The following MYO3B variants were observed in gnomAD, a reference collection of about 807,000 sequenced individuals.
MYO3B encodes the protein myosin IIIB.
In MYO3B, 156 loss-of-function variants were observed where a neutral mutation model predicts 174.6. The ratio of observed to expected loss-of-function variants is 0.89; its 90% confidence interval spans 0.78 to 1.02. The LOEUF (loss-of-function observed/expected upper bound fraction) is 1.02, where lower values mean the gene tolerates loss of function less well. Ranked by LOEUF, MYO3B falls within the 50% of genes least tolerant of loss-of-function variation. MYO3B has a pLI of 0.00. For synonymous variants in MYO3B, 563 were observed against 569.1 expected (o/e 0.99, Z 0.15); for missense variants, 1,632 against 1,639.4 (o/e 1.00, Z 0.08).
chr2:170,337,705 C>CTT (rs1558902751), intron 8 of MYO3B: 1 of 152,128 alleles, frequency 6.6e-6, no homozygotes, highest in African/African-American at 2.4e-5. Flanking sequence ...TTACTGTTGA[C>CTT]TGGAAGCCTT....
At chr2:170,335,549 T>TA (rs2093941712) in intron 8 of MYO3B, 99 bp downstream of exon 8, 1 of 891,290 alleles carries the variant, frequency 1.1e-6, no homozygotes, top group Non-Finnish European at 1.8e-6. Flanking sequence ...TAGAGGTTGT[T>TA]ATGCCTGTTA....
intron 32 of MYO3B, among the ~76,000 whole-genome samples, chr2:170,573,759 A>G (rs1692610515): frequency 6.6e-6 from 1 of 152,210 alleles, no homozygotes; most frequent in Non-Finnish European, 1.5e-5. Context: ...AGACTTGTTA[A>G]AAGACTAGAT....
At chr2:170,565,677 T>A (rs1692024878) in intron 32 of MYO3B, among the ~76,000 whole-genome samples, 1 of 152,200 alleles carries the variant, frequency 6.6e-6, no homozygotes, top group Non-Finnish European at 1.5e-5. Flanking sequence ...GACATTTCTG[T>A]TTGTCTTTTT....
chr2:170,271,239 C>T (rs532242619), intron 7 of MYO3B, among the ~76,000 whole-genome samples: 1 of 152,232 alleles, frequency 6.6e-6, no homozygotes, highest in African/African-American at 2.4e-5. Flanking sequence ...AAGTGGTGAA[C>T]ATTTAGCCTT....
intron 22 of MYO3B, among the ~76,000 whole-genome samples, chr2:170,409,213 A>G (rs1182380233): frequency 6.6e-6 from 1 of 152,192 alleles, no homozygotes; most frequent in East Asian, 1.9e-4. Flanking sequence ...AATAAAAACC[A>G]TTTAACAGCC....
At chr2:170,585,260 A>C (rs1693422625) in intron 32 of MYO3B, among the ~76,000 whole-genome samples, 3 of 152,206 alleles carry the variant, frequency 2.0e-5, no homozygotes, top group Non-Finnish European at 4.4e-5. Flanking sequence ...TACTAGCCTA[A>C]ATAATGCATC....
chr2:170,392,824 A>G (rs764971704), intron 16 of MYO3B, among the ~76,000 whole-genome samples: 15 of 151,842 alleles, frequency 9.9e-5, no homozygotes, highest in Non-Finnish European at 1.9e-4. Flanking sequence ...TCATCAATTC[A>G]TTACACGTGT....
chr2:170,245,840 A>G (rs1162673091), intron 7 of MYO3B, among the ~76,000 whole-genome samples: 1 of 152,228 alleles, frequency 6.6e-6, no homozygotes, highest in African/African-American at 2.4e-5. Flanking sequence ...TGGGAGCTTT[A>G]AAAAGATACC....
chr2:170,289,647 A>C lies in MYO3B; in HGVS notation c.750-45738A>C, dbSNP rs190305326. Among the ~76,000 whole-genome samples, 15 of 152,000 alleles carry C rather than the reference A, an allele frequency of 9.9e-5. No individual in the cohort carries two copies. In the East Asian group the frequency reaches 2.9e-3, roughly 29 times the overall value. ...TTGTCAATTTTTTTATCTTTTCAAAAACAAACTTTTCATTTCCTTGACGTT... is the reference window on the plus strand; with the variant it reads ...TTGTCAATTTTTTTATCTTTTCAAACACAAACTTTTCATTTCCTTGACGTT... On this transcript the variant is annotated intron_variant, in intron 7 of 34. Transcript: ENST00000408978.
intron 3 of MYO3B, among the ~76,000 whole-genome samples, chr2:170,202,028 T>C (rs1321179033): frequency 1.3e-5 from 2 of 152,316 alleles, no homozygotes; most frequent in East Asian, 1.9e-4. Context: ...GGGCTGCTCA[T>C]ACCTGAGGCC....
chr2:170,276,601 A>G (rs1042352837), intron 7 of MYO3B, among the ~76,000 whole-genome samples: 2 of 152,236 alleles, frequency 1.3e-5, no homozygotes, highest in Non-Finnish European at 2.9e-5. Flanking sequence ...CACAAAAATA[A>G]ATCATGAAAT....
chr2:170,463,320 G>A, intron 23 of MYO3B, 48 bp from the exon 24 acceptor site: 1 of 1,547,766 alleles, frequency 6.5e-7, no homozygotes. Flanking sequence ...TGGAGCATGA[G>A]GTAAGTGCCT....
intron 32 of MYO3B, among the ~76,000 whole-genome samples, chr2:170,619,693 C>G (rs1007195602): frequency 7.1e-6 from 1 of 141,606 alleles, no homozygotes; most frequent in African/African-American, 2.6e-5. Flanking sequence ...CAGTCTTTTT[C>G]AAACCTCATC....
At chr2:170,335,887 T>C (rs896077173) in intron 8 of MYO3B, among the ~76,000 whole-genome samples, 41 of 152,082 alleles carry the variant, frequency 2.7e-4, no homozygotes, top group African/African-American at 9.9e-4. Context: ...GTTTCCAAGA[T>C]GATAGAGGGA....
intron 32 of MYO3B, among the ~76,000 whole-genome samples, chr2:170,580,404 G>A (rs1336144163): frequency 3.3e-5 from 5 of 152,188 alleles, no homozygotes; most frequent in African/African-American, 4.8e-5. Context: ...TTAGGAGGTC[G>A]AAGTGGGCAG....
At chr2:170,469,542 C>G (rs1684843290) in intron 25 of MYO3B, among the ~76,000 whole-genome samples, 1 of 152,108 alleles carries the variant, frequency 6.6e-6, no homozygotes, top group Admixed American at 6.5e-5. Flanking sequence ...GCGTGGAGAA[C>G]CATGGTGTCT....
At chr2:170,332,627 G>A (rs763030800) in intron 7 of MYO3B, among the ~76,000 whole-genome samples, 3 of 152,112 alleles carry the variant, frequency 2.0e-5, no homozygotes, top group Admixed American at 2.0e-4. Flanking sequence ...TCCAGGAAAG[G>A]CAGGACATTT....
chr2:170,382,111 A>G lies in MYO3B; in HGVS notation c.1067A>G (p.Glu356Gly). The G allele has an allele frequency of 2.5e-6, 4 of 1,611,128 alleles. No homozygotes were observed. The highest frequency in any genetic ancestry group is 3.4e-6 in the Non-Finnish European group (4 of 1,177,646). The change falls in exon 10 of 35, where the codon GAG (glutamate) becomes GGG (glycine). Residue 356 changes from glutamate to glycine, a missense_variant and splice_region_variant. Transcript: ENST00000408978. ...DDLVNLEVLDEDTIIHQLQKR... is the reference protein window; with the variant it reads ...DDLVNLEVLDGDTIIHQLQKR... ...TTGGTCAACCTAGAGGTTCTGGATG[A>G]GGTACTAAATATTTAGTAGACAATT...
chr2:170,595,353 G>A (rs1413833596), intron 32 of MYO3B, among the ~76,000 whole-genome samples: 1 of 152,122 alleles, frequency 6.6e-6, no homozygotes, highest in Non-Finnish European at 1.5e-5. Context: ...ACTGAATTAC[G>A]AGGTAGAAGC....
Sources: gnomAD v4.1 joint callset for allele counts (sites outside exome capture counted in the v4.1 genomes callset) on GRCh38, gnomAD v4.1.1 for gene constraint, MANE v1.5 for transcripts, NCBI Gene and HGNC (gene_info 2026-07-23, HGNC 2026-07-21) for gene names.